Variants in RSU1 observed in about 807,000 individuals in gnomAD.
RSU1 encodes rsu-1.
In RSU1, 26 loss-of-function variants were observed where a neutral mutation model predicts 31.1. The ratio of observed to expected loss-of-function variants is 0.84; its 90% CI spans 0.61 to 1.16. The LOEUF is 1.16. RSU1 is among the 50% of genes most tolerant of loss of function. The pLI is 0.00. For synonymous variants in RSU1, 164 were observed against 136.3 expected, an observed-to-expected ratio of 1.20 and a Z score of -1.41; for missense variants, 320 against 339.1, an observed-to-expected ratio of 0.94 and a Z score of 0.44.
chr10:16,727,658 A>C (rs1455129340), intron 7 of RSU1, among the ~76,000 whole-genome samples: 1 of 152,188 alleles, frequency 6.6e-6, no homozygotes, highest in Non-Finnish European at 1.5e-5. Context: ...GCAGGCCCTG[A>C]AATCTCCAGT....
intron 8 of RSU1, among the ~76,000 whole-genome samples, chr10:16,641,429 T>C (rs543164121): frequency 7.3e-5 from 11 of 150,762 alleles, no homozygotes; most frequent in Non-Finnish European, 1.2e-4. Flanking sequence ...GAGGCGGAGG[T>C]TGCAGTAAGC....
chr10:16,746,846 C>T (rs764294775), intron 7 of RSU1, among the ~76,000 whole-genome samples: 6 of 152,038 alleles, frequency 3.9e-5, no homozygotes, highest in African/African-American at 1.4e-4. Flanking sequence ...GTTAGCCACA[C>T]GGCTGGCTGC....
intron 7 of RSU1, among the ~76,000 whole-genome samples, chr10:16,705,661 G>C (rs1048838267): frequency 6.6e-6 from 1 of 151,966 alleles, no homozygotes; most frequent in African/African-American, 2.4e-5. Flanking sequence ...GCTAATTTTT[G>C]TATTTTTTAG....
chr10:16,727,438 C>G (rs1385569196), intron 7 of RSU1, among the ~76,000 whole-genome samples: 1 of 152,134 alleles, frequency 6.6e-6, no homozygotes. Flanking sequence ...TCATTTCCCT[C>G]AGAAACAGCA....
At chr10:16,773,563 G>A (rs183622520) in intron 3 of RSU1, among the ~76,000 whole-genome samples, 4 of 152,304 alleles carry the variant, frequency 2.6e-5, no homozygotes, top group East Asian at 3.9e-4. Context: ...GGGACACGGC[G>A]GAGCAGCCAC....
At chr10:16,752,849 G>A (rs567873851) in intron 6 of RSU1, 69 bp downstream of exon 6, 1 of 1,376,810 alleles carries the variant, frequency 7.3e-7, no homozygotes. Flanking sequence ...TGCTCAAATT[G>A]ACTTGATTCT....
At chr10:16,629,292 A>C (rs1358208399) in intron 8 of RSU1, among the ~76,000 whole-genome samples, 2 of 152,098 alleles carry the variant, frequency 1.3e-5, no homozygotes, top group Admixed American at 1.3e-4. Flanking sequence ...TCAGATGTTT[A>C]TGCTGCTGAA....
Position 16,620,061 on chromosome 10 carries a change from C to T in RSU1, c.732-26565G>A, listed in dbSNP as rs559988528. Among the ~76,000 whole-genome samples, 12 of 152,230 alleles carry T rather than the reference C, an allele frequency of 7.9e-5. No homozygotes were observed. The Middle Eastern group carries it at 0.014, about 174-fold the overall frequency. Reference sequence around the variant, plus strand: ...AATTCATGCTATGTTTCATAATTAACGTGAACATTGCTCTGTTTTGGGGGA... The same window carrying T: ...AATTCATGCTATGTTTCATAATTAATGTGAACATTGCTCTGTTTTGGGGGA... On this transcript the variant is annotated intron_variant, in intron 8 of 8. Coordinates refer to ENST00000345264, the MANE Select transcript of RSU1 (RefSeq NM_012425.4).
At chr10:16,797,802 T>C (rs1397738522) in intron 2 of RSU1, among the ~76,000 whole-genome samples, 1 of 146,314 alleles carries the variant, frequency 6.8e-6, no homozygotes, top group Non-Finnish European at 1.5e-5. Context: ...TAAGAGCAAA[T>C]AAACACAATA....
intron 4 of RSU1, among the ~76,000 whole-genome samples, chr10:16,756,901 G>T (rs1324681045): frequency 1.3e-5 from 2 of 150,094 alleles, no homozygotes; most frequent in East Asian, 4.0e-4. Context: ...GTGAGGGGTG[G>T]GGTGTGGTGT....
chr10:16,722,377 T>C (rs1001181704), intron 7 of RSU1, among the ~76,000 whole-genome samples: 2 of 152,156 alleles, frequency 1.3e-5, no homozygotes, highest in African/African-American at 2.4e-5. Context: ...AAGGATTTGA[T>C]GAAGCATGGG....
chr10:16,692,849 TGTAA>T (rs1164211647), intron 8 of RSU1, among the ~76,000 whole-genome samples: 3 of 152,260 alleles, frequency 2.0e-5, no homozygotes, highest in African/African-American at 4.8e-5. Flanking sequence ...AGACTTATAC[TGTAA>T]GTGTCATAGT....
chr10:16,614,468 G>A (rs1474915900), intron 8 of RSU1, among the ~76,000 whole-genome samples: 2 of 151,382 alleles, frequency 1.3e-5, no homozygotes, highest in Non-Finnish European at 2.9e-5. Context: ...CCCACCACAA[G>A]AGAATTGTAA....
intron 7 of RSU1, among the ~76,000 whole-genome samples, chr10:16,732,875 C>A (rs572448343): frequency 6.6e-6 from 1 of 152,206 alleles, no homozygotes; most frequent in East Asian, 1.9e-4. Flanking sequence ...GGTTCTTAAC[C>A]ACTTCTGCAG....
chr10:16,773,562 C>A (rs139511268), intron 3 of RSU1, among the ~76,000 whole-genome samples: 1 of 152,186 alleles, frequency 6.6e-6, no homozygotes, highest in Non-Finnish European at 1.5e-5. Context: ...GGGGACACGG[C>A]GGAGCAGCCA....
At chr10:16,753,043 A>T (rs753732579) in intron 5 of RSU1, 43 bp from the exon 6 acceptor site, 1 of 1,506,668 alleles carries the variant, frequency 6.6e-7, no homozygotes, top group Non-Finnish European at 9.2e-7. Flanking sequence ...GGCATGGAAC[A>T]CAACCATTTG....
rs542612105 is a variant in RSU1, at chr10:16,751,792, A to C, written c.598+747T>G. Among the ~76,000 whole-genome samples the C allele has an allele frequency of 2.6e-5, 4 of 152,354 alleles. No individual in the cohort carries two copies. The East Asian group carries it at 7.7e-4, about 29-fold the overall frequency. ...GCAGTTTGAGAAAACAATGTGGTTC[A>C]AAGGACTGAAGAAATGAGAGGCTAT... On this transcript the variant is annotated intron_variant, in intron 7 of 8. Coordinates refer to ENST00000345264, the MANE Select transcript of RSU1 (RefSeq NM_012425.4).
chr10:16,641,958 GA>G (rs1345377936), intron 8 of RSU1, among the ~76,000 whole-genome samples: 4 of 152,208 alleles, frequency 2.6e-5, no homozygotes, highest in Non-Finnish European at 5.9e-5. Context: ...CTCCAAGTGT[GA>G]AAAGTGTCCC....
intron 2 of RSU1, among the ~76,000 whole-genome samples, chr10:16,812,712 GA>G (rs1052387265): frequency 2.6e-5 from 4 of 151,486 alleles, no homozygotes; most frequent in Admixed American, 2.6e-4. Context: ...GTCTAACTTG[GA>G]AAAAAAATGA....
Sources: gnomAD v4.1 joint callset for allele counts (sites outside exome capture counted in the v4.1 genomes callset) on GRCh38, gnomAD v4.1.1 for gene constraint, MANE v1.5 for transcripts, NCBI Gene and HGNC (gene_info 2026-07-23, HGNC 2026-07-21) for gene names.